BRDT: variants seen among roughly 807,000 people sequenced by gnomAD.
BRDT encodes bromodomain testis associated.
BRDT carries 77 observed loss-of-function variants against 113.9 expected under a neutral mutation model. The observed-to-expected ratio is 0.68, with a 90% confidence interval of 0.56 to 0.82. The LOEUF is 0.82. Ranked by LOEUF, BRDT falls within the 40% of genes least tolerant of loss-of-function variation. The pLI is 0.00. For missense variants in BRDT, 1,027 were observed against 1,105.4 expected (o/e 0.93, Z 1.01); for synonymous variants, 358 against 366.5 (o/e 0.98, Z 0.26).
At chr1:91,968,963 T>G in intron 4 of BRDT, among the ~76,000 whole-genome samples, 1 of 151,210 alleles carries the variant, frequency 6.6e-6, no homozygotes, top group African/African-American at 2.4e-5. Context: ...TGAGACGGAG[T>G]CTTCACTCTG....
intron 1 of BRDT, among the ~76,000 whole-genome samples, chr1:91,959,246 G>A (rs993811044): frequency 4.5e-4 from 68 of 152,040 alleles, no homozygotes; most frequent in African/African-American, 1.6e-3. Context: ...GTCACAGCTT[G>A]GTCTGTAGTG....
intron 1 of BRDT, among the ~76,000 whole-genome samples, chr1:91,958,988 G>A (rs1372113893): frequency 6.6e-6 from 1 of 152,096 alleles, no homozygotes; most frequent in Non-Finnish European, 1.5e-5. Context: ...GTTTGAGGCT[G>A]CAGTGAGCCA....
Position 91,978,241 on chromosome 1 carries a change from G to T in BRDT, c.1043G>T (p.Cys348Phe). Residue 348 changes from cysteine (C) to phenylalanine (F), a missense_variant, in exon 7 of 19, where the codon TGC (cysteine) becomes TTC (phenylalanine). By Grantham distance (205) the Cys-to-Phe change is radical. Transcript: ENST00000399546. ...AADVRLMFMN[C>F]YKYNPPDHEV... Reference sequence around the variant, plus strand: ...GATGTTAGATTAATGTTCATGAATTGCTACAAGTACAATCCTCCAGATCAC... The same window carrying T: ...GATGTTAGATTAATGTTCATGAATTTCTACAAGTACAATCCTCCAGATCAC... 1 of 1,614,032 alleles carries T rather than the reference G, an allele frequency of 6.2e-7. No individual in the cohort carries two copies. Among genetic ancestry groups the T allele is most frequent in the Non-Finnish European group, 8.5e-7 (1 of 1,179,964 alleles).
rs35049237 is a variant in BRDT, at chr1:91,958,214, C to CTTTT, written c.-37-4487_-37-4484dup. 2.2e-3 allele frequency among the ~76,000 whole-genome samples: 285 copies of CTTTT among 127,298 alleles called. 2 individuals are homozygous for CTTTT. The highest frequency in any genetic ancestry group is 9.4e-3 in the Middle Eastern group (2 of 212). 83.5% of individuals were successfully genotyped at this position (127,298 alleles called of 152,430 possible). A position where few individuals can be genotyped will look rare whatever the true frequency, so the allele number is the denominator to read the frequency against. On this transcript the variant is annotated intron_variant, in intron 1 of 18. Transcript: ENST00000399546. ...TTTTCATGACTTGATAACTCATGCC[C>CTTTT]TTTTTTTTTTTTTTTTTTTTAAAAG...
rs373305680 is a variant in BRDT at position 92,010,267 on chromosome 1, A to ATTTTTT, written c.2776-3922_2776-3917dup. 2.3e-4 allele frequency among the ~76,000 whole-genome samples: 23 copies of ATTTTTT among 101,048 alleles called. 1 individual carries two copies. Among genetic ancestry groups the ATTTTTT allele is most frequent in the Admixed American group, 4.1e-4 (3 of 7,230 alleles). 66.3% of individuals were successfully genotyped at this position (101,048 alleles called of 152,430 possible). ...CTCATAGCTCACTAATGCTCTTTTA[A>ATTTTTT]TTTTTTTTTTTTTTTTTTTTTTGAG... On this transcript the variant is annotated intron_variant, in intron 18 of 18. Coordinates refer to ENST00000399546, the MANE Select transcript of BRDT (RefSeq NM_207189.4).
Position 91,981,608 on chromosome 1 carries a change from T to C in BRDT, c.1865-10T>C. The C allele has an allele frequency of 6.2e-7, 1 of 1,608,290 alleles. No homozygotes were observed. Among genetic ancestry groups the C allele is most frequent in the Non-Finnish European group, 8.5e-7 (1 of 1,178,068 alleles). On this transcript the variant is annotated splice_polypyrimidine_tract_variant and intron_variant, in intron 11 of 18. Transcript: ENST00000399546. Reference sequence around the variant, plus strand: ...CTTCTGGCATTTTAATATGTTTCTCTGTTTTGTAGCTGATAAAACGCAACC... The same window carrying C: ...CTTCTGGCATTTTAATATGTTTCTCCGTTTTGTAGCTGATAAAACGCAACC...
intron 7 of BRDT, 42 bp from the exon 8 acceptor site, chr1:91,979,527 A>G (rs1048008886): frequency 6.4e-7 from 1 of 1,556,938 alleles, no homozygotes; most frequent in Admixed American, 2.0e-5. Flanking sequence ...TGGATTAAAT[A>G]AAAAATACAG....
chr1:91,964,907 A>ATT, intron 3 of BRDT, 143 bp downstream of exon 3: 1 of 403,166 alleles, frequency 2.5e-6, no homozygotes, highest in Non-Finnish European at 3.9e-6. Context: ...GTGTGTGTAT[A>ATT]TAATTTTTTT....
chr1:92,009,769 C>T (rs1687643832), intron 18 of BRDT, among the ~76,000 whole-genome samples: 1 of 151,850 alleles, frequency 6.6e-6, no homozygotes, highest in Non-Finnish European at 1.5e-5. Context: ...CAAAGTCTCA[C>T]TGTGTGGCCC....
intron 6 of BRDT, 95 bp from the exon 7 acceptor site, chr1:91,978,073 T>C (rs1440948649): frequency 1.2e-5 from 14 of 1,184,580 alleles, no homozygotes; most frequent in Non-Finnish European, 1.6e-5. Flanking sequence ...TTTCTGTATA[T>C]TTGAATTATT....
intron 18 of BRDT, among the ~76,000 whole-genome samples, chr1:92,010,967 AT>A (rs58890282): frequency 0.073 from 10,419 of 142,844 alleles, 387 homozygotes; most frequent in African/African-American, 0.1. Context: ...TGGGTGCTAG[AT>A]TTTTTTTTTT....
chr1:92,013,978 T>C (rs1404795080), intron 18 of BRDT, among the ~76,000 whole-genome samples: 1 of 152,190 alleles, frequency 6.6e-6, no homozygotes, highest in Non-Finnish European at 1.5e-5. Flanking sequence ...TTGTAGGTTT[T>C]GTTTTTTATT....
intron 10 of BRDT, 31 bp from the exon 11 acceptor site, chr1:91,981,237 T>C: frequency 1.2e-6 from 2 of 1,611,066 alleles, no homozygotes; most frequent in Non-Finnish European, 1.7e-6. Flanking sequence ...TTTTTGGTTA[T>C]ACTCACTTTC....
At chr1:91,973,608 T>C (rs1225407807) in intron 4 of BRDT, among the ~76,000 whole-genome samples, 2 of 152,210 alleles carry the variant, frequency 1.3e-5, no homozygotes, top group African/African-American at 4.8e-5. Context: ...AGAATGCTTG[T>C]GATTTTCACA....
intron 4 of BRDT, among the ~76,000 whole-genome samples, chr1:91,974,316 A>G (rs1683906069): frequency 6.6e-6 from 1 of 152,278 alleles, no homozygotes; most frequent in African/African-American, 2.4e-5. Flanking sequence ...GCTTCTGCAC[A>G]GCAATAGAAA....
At chr1:91,959,399 C>A (rs539262580) in intron 1 of BRDT, among the ~76,000 whole-genome samples, 3 of 144,984 alleles carry the variant, frequency 2.1e-5, no homozygotes, top group East Asian at 4.1e-4. Flanking sequence ...TTTGTTCTTA[C>A]GATTTTTCTC....
In BRDT at chr1:91,978,262, A is replaced by T; in HGVS notation, c.1064A>T (p.Asp355Val). ...FMNCYKYNPPDHEVVTMARML... is the reference protein window; with the variant it reads ...FMNCYKYNPPVHEVVTMARML... Reference sequence around the variant, plus strand: ...AATTGCTACAAGTACAATCCTCCAGATCACGAAGTTGTGACAATGGCAAGA... The same window carrying T: ...AATTGCTACAAGTACAATCCTCCAGTTCACGAAGTTGTGACAATGGCAAGA... Residue 355 changes from aspartate (D) to valine (V), a missense_variant, in exon 7 of 19, where the codon GAT (aspartate) becomes GTT (valine). By Grantham distance (152) the Asp-to-Val change is radical (BLOSUM62 -3). Transcript: ENST00000399546. 3 of 1,614,140 alleles carry T rather than the reference A, an allele frequency of 1.9e-6. No homozygotes were observed. The highest frequency in any genetic ancestry group is 2.5e-6 in the Non-Finnish European group (3 of 1,180,018).
chr1:92,010,803 CTG>C (rs755092560), intron 18 of BRDT, among the ~76,000 whole-genome samples: 12 of 152,038 alleles, frequency 7.9e-5, no homozygotes, highest in Non-Finnish European at 1.5e-4. Flanking sequence ...GTTAAAATAA[CTG>C]TTTTAATGTG....
At chr1:91,963,146 A>G (rs987626895) in intron 2 of BRDT, among the ~76,000 whole-genome samples, 200 bp downstream of exon 2, 2 of 152,148 alleles carry the variant, frequency 1.3e-5, no homozygotes, top group Non-Finnish European at 2.9e-5. Flanking sequence ...CAACATGGAG[A>G]GACCCCGTCT....
Sources: allele counts gnomAD v4.1 joint callset (sites outside exome capture counted in the v4.1 genomes callset), GRCh38; gene constraint gnomAD v4.1.1; transcripts MANE v1.5; gene names NCBI Gene and HGNC (gene_info 2026-07-23, HGNC 2026-07-21).